Variants in PCCA observed in about 807,000 individuals in gnomAD.
PCCA encodes the protein propionyl-CoA carboxylase subunit alpha, also known as propionyl-CoA carboxylase alpha chain, mitochondrial.
Under a neutral mutation model 101.3 loss-of-function variants are expected in PCCA, and 74 were observed. The observed-to-expected ratio is 0.73, with a 90% CI of 0.61 to 0.89. The LOEUF is 0.89. Among genes scored for constraint, PCCA ranks in the 40% least tolerant of loss-of-function variants. The probability of loss-of-function intolerance (pLI) is 0.00; values close to 1 mark genes in which losing one functional copy is unlikely to be tolerated. For missense variants in PCCA, 891 were observed against 907.0 expected (o/e 0.98, Z 0.23); for synonymous variants, 294 against 313.6 (o/e 0.94, Z 0.66).
intron 21 of PCCA, among the ~76,000 whole-genome samples, chr13:100,499,254 C>T (rs542493501): frequency 2.2e-4 from 33 of 152,332 alleles, no homozygotes; most frequent in African/African-American, 7.0e-4. Context: ...AGCATCCGCG[C>T]TCACATAACT....
intron 6 of PCCA, among the ~76,000 whole-genome samples, chr13:100,158,008 A>G (rs896562829): frequency 6.6e-6 from 1 of 152,238 alleles, no homozygotes; most frequent in Non-Finnish European, 1.5e-5. Context: ...TGAGAAATGC[A>G]TCATTAGGCG....
intron 16 of PCCA, among the ~76,000 whole-genome samples, chr13:100,324,520 A>G (rs1185307392): frequency 6.6e-6 from 1 of 152,210 alleles, no homozygotes; most frequent in Non-Finnish European, 1.5e-5. Flanking sequence ...AATACATAAA[A>G]TATATAGAGA....
intron 4 of PCCA, among the ~76,000 whole-genome samples, chr13:100,147,174 T>C (rs2052680788): frequency 6.6e-6 from 1 of 152,192 alleles, no homozygotes; most frequent in African/African-American, 2.4e-5. Context: ...CATGCAAAAC[T>C]GATCATGGCT....
At chr13:100,461,766 G>T (rs2082179604) in intron 21 of PCCA, among the ~76,000 whole-genome samples, 2 of 152,204 alleles carry the variant, frequency 1.3e-5, no homozygotes, top group African/African-American at 2.4e-5. Flanking sequence ...CTGTCTGCTT[G>T]TGCTGTGGTT....
intron 6 of PCCA, among the ~76,000 whole-genome samples, chr13:100,185,284 T>C (rs2057153687): frequency 6.6e-6 from 1 of 152,184 alleles, no homozygotes; most frequent in Non-Finnish European, 1.5e-5. Context: ...TAGAATCATA[T>C]AGTTAAAAAA....
At chr13:100,451,059 C>A (rs140773411) in intron 21 of PCCA, among the ~76,000 whole-genome samples, 3 of 152,120 alleles carry the variant, frequency 2.0e-5, no homozygotes, top group Non-Finnish European at 4.4e-5. Context: ...CCCAGGGGAG[C>A]GTTGCAGTTC....
intron 18 of PCCA, among the ~76,000 whole-genome samples, chr13:100,354,246 T>C (rs1298836471): frequency 2.7e-5 from 4 of 149,208 alleles, no homozygotes; most frequent in African/African-American, 9.9e-5. Context: ...GCCACTGCAC[T>C]CCAGCCTGGC....
rs575221927 is a variant in PCCA at position 100,525,742 on chromosome 13, G to A, written c.2041-1933G>A. Among the ~76,000 whole-genome samples the A allele has an allele frequency of 1.8e-4, 28 of 152,344 alleles. No individual in the cohort carries two copies. In the South Asian group the frequency reaches 5.2e-3, roughly 28 times the overall value. On this transcript the variant is annotated intron_variant, in intron 22 of 23. Coordinates refer to ENST00000376285, the MANE Select transcript of PCCA (RefSeq NM_000282.4). ...AGAGGGTAGGGGCTGTGCCACCCAT[G>A]TGAAGCCAATGTACTTGGCGGGGGG... is the stretch of plus-strand genomic sequence containing the variant.
Position 100,527,577 on chromosome 13 carries a change from T to C in PCCA, c.2041-98T>C, listed in dbSNP as rs2153008199. 3 of 800,552 alleles carry C rather than the reference T, an allele frequency of 3.7e-6. No individual in the cohort carries two copies. The South Asian group carries it at 4.1e-5, about 11-fold the overall frequency. 49.6% of individuals were successfully genotyped at this position (800,552 alleles called of 1,614,324 possible). ...TTGCTGCTGTTCATAGACACATATT[T>C]TGGGGCATTTGACAAAGAATTTCTT... On this transcript the variant is annotated intron_variant, in intron 22 of 23. Coordinates refer to ENST00000376285, the MANE Select transcript of PCCA (RefSeq NM_000282.4).
At chr13:100,293,283 A>T (rs1451497622) in intron 12 of PCCA, 3 of 471,240 alleles carry the variant, frequency 6.4e-6, no homozygotes, top group Non-Finnish European at 1.3e-5. Flanking sequence ...AATTCTGTGA[A>T]GGCTATACAC....
intron 21 of PCCA, among the ~76,000 whole-genome samples, chr13:100,461,709 C>T (rs570840034): frequency 9.8e-5 from 15 of 152,334 alleles, no homozygotes; most frequent in African/African-American, 3.4e-4. Flanking sequence ...AACTTTCCAC[C>T]TGTCCCTGCC....
At chr13:100,463,268 T>G (rs1259969822) in intron 21 of PCCA, among the ~76,000 whole-genome samples, 3 of 151,614 alleles carry the variant, frequency 2.0e-5, no homozygotes, top group African/African-American at 7.3e-5. Flanking sequence ...CCCTAGATTC[T>G]GAGGTTCATT....
intron 21 of PCCA, chr13:100,491,540 G>A: frequency 2.1e-6 from 1 of 475,688 alleles, no homozygotes; most frequent in Non-Finnish European, 3.7e-6. Flanking sequence ...AGAATGGAAA[G>A]AAAGTACTGA....
At chr13:100,169,382 A>T (rs1052850344) in intron 6 of PCCA, among the ~76,000 whole-genome samples, 1 of 150,432 alleles carries the variant, frequency 6.6e-6, no homozygotes, top group Non-Finnish European at 1.5e-5. Flanking sequence ...CAGAGGTTGC[A>T]GTGAGCTGAG....
At chr13:100,240,394 C>T (rs537368360) in intron 8 of PCCA, among the ~76,000 whole-genome samples, 49 of 148,866 alleles carry the variant, frequency 3.3e-4, no homozygotes, top group Non-Finnish European at 5.1e-4. Flanking sequence ...TAATCTTTTG[C>T]GGGGTGAAGG....
intron 11 of PCCA, among the ~76,000 whole-genome samples, chr13:100,269,606 A>C (rs2063172631): frequency 6.6e-6 from 1 of 151,974 alleles, no homozygotes; most frequent in South Asian, 2.1e-4. Flanking sequence ...ATTTGTATAT[A>C]CTCTGGTATT....
chr13:100,108,400 C>T (rs1296550002), intron 2 of PCCA, among the ~76,000 whole-genome samples: 3 of 152,232 alleles, frequency 2.0e-5, no homozygotes, highest in Admixed American at 1.3e-4. Flanking sequence ...GAGTGACTCT[C>T]CACATATAGG....
intron 8 of PCCA, among the ~76,000 whole-genome samples, chr13:100,248,105 T>C (rs2061550753): frequency 6.6e-6 from 1 of 152,190 alleles, no homozygotes; most frequent in Non-Finnish European, 1.5e-5. Context: ...ACATCTAAAT[T>C]TGGACTGGAT....
chr13:100,481,951 A>C (rs2083977211), intron 21 of PCCA, among the ~76,000 whole-genome samples: 1 of 152,234 alleles, frequency 6.6e-6, no homozygotes, highest in South Asian at 2.1e-4. Flanking sequence ...CCATCAATTC[A>C]AAACCATAAA....
Sources: allele counts gnomAD v4.1 joint callset (sites outside exome capture counted in the v4.1 genomes callset), GRCh38; gene constraint gnomAD v4.1.1; transcripts MANE v1.5; gene names NCBI Gene and HGNC (gene_info 2026-07-23, HGNC 2026-07-21).